Variants in ATP11A observed in about 807,000 individuals in gnomAD.
The protein encoded by ATP11A is phospholipid-transporting ATPase IH.
In ATP11A, 81 loss-of-function variants were observed where a neutral mutation model predicts 154.4. The observed-to-expected ratio is 0.52, with a 90% confidence interval of 0.44 to 0.63. ATP11A has a LOEUF of 0.63. ATP11A is among the 30% of genes least tolerant of loss of function. The probability of loss-of-function intolerance (pLI) is 0.00; values close to 1 mark genes in which losing one functional copy is unlikely to be tolerated. For synonymous variants in ATP11A, 623 were observed against 585.9 expected, an observed-to-expected ratio of 1.06 and a Z score of -0.91; for missense variants, 1,316 against 1,474.3, an observed-to-expected ratio of 0.89 and a Z score of 1.76.
intron 29 of ATP11A, among the ~76,000 whole-genome samples, chr13:112,879,075 T>C (rs2140444794): frequency 6.6e-6 from 1 of 152,380 alleles, no homozygotes; most frequent in African/African-American, 2.4e-5. Context: ...TGCAGGGGCC[T>C]GCACGCCGTC....
chr13:112,810,783 A>G, intron 5 of ATP11A, 57 bp downstream of exon 5: 2 of 1,525,772 alleles, frequency 1.3e-6, no homozygotes, highest in Non-Finnish European at 1.8e-6. Flanking sequence ...TTAAAAAATA[A>G]GTTTTACCCA....
intron 8 of ATP11A, among the ~76,000 whole-genome samples, chr13:112,821,378 A>G (rs974842455): frequency 6.6e-6 from 1 of 152,194 alleles, no homozygotes; most frequent in Non-Finnish European, 1.5e-5. Flanking sequence ...CAGTGGCACT[A>G]TCTCAGCTCA....
chr13:112,826,452 T>C (rs113042806), intron 11 of ATP11A, among the ~76,000 whole-genome samples: 4 of 152,168 alleles, frequency 2.6e-5, no homozygotes, highest in African/African-American at 9.7e-5. Context: ...CGTGATTTAA[T>C]CTCCACTTGC....
chr13:112,836,988 C>T (rs371850055), intron 16 of ATP11A, among the ~76,000 whole-genome samples: 10 of 152,226 alleles, frequency 6.6e-5, no homozygotes, highest in African/African-American at 2.2e-4. Context: ...GGTGGACGAC[C>T]TCGTCTCCCC....
intron 15 of ATP11A, among the ~76,000 whole-genome samples, chr13:112,835,441 C>T (rs1042560497): frequency 2.0e-5 from 3 of 152,212 alleles, no homozygotes; most frequent in African/African-American, 4.8e-5. Context: ...CTGGGCCCTC[C>T]GCTGGCACCA....
Position 112,784,766 on chromosome 13 carries a change from G to A in ATP11A, c.40-369G>A, listed in dbSNP as rs565674520. 1.8e-4 allele frequency among the ~76,000 whole-genome samples: 28 copies of A among 152,252 alleles called. No homozygotes were observed. The East Asian group carries it at 4.6e-3, about 25-fold the overall frequency. ...TCTCCATCTCCTGACCTCGTGATCC[G>A]CCCATCTCGGCCTCCCAAAGTGCTG... On this transcript the variant is annotated intron_variant, in intron 1 of 29. Coordinates refer to ENST00000375645, the MANE Select transcript of ATP11A (RefSeq NM_015205.3).
At chr13:112,723,394 C>T (rs1394102451) in intron 1 of ATP11A, among the ~76,000 whole-genome samples, 1 of 136,884 alleles carries the variant, frequency 7.3e-6, no homozygotes, top group Non-Finnish European at 1.5e-5. Flanking sequence ...GCTTCAGCCT[C>T]TTGAGTAGCT....
chr13:112,812,824 G>C (rs1269310463), intron 5 of ATP11A, among the ~76,000 whole-genome samples: 1 of 152,254 alleles, frequency 6.6e-6, no homozygotes, highest in African/African-American at 2.4e-5. Context: ...TCAGAGAGCA[G>C]ATGGCCCTGG....
At chr13:112,790,917 A>AT (rs1182819905) in intron 2 of ATP11A, among the ~76,000 whole-genome samples, 2 of 152,244 alleles carry the variant, frequency 1.3e-5, no homozygotes, top group African/African-American at 4.8e-5. Context: ...TAGAAACAGG[A>AT]TATGTAAATG....
intron 7 of ATP11A, among the ~76,000 whole-genome samples, chr13:112,819,646 GAA>G (rs373450256): frequency 2.5e-4 from 38 of 150,938 alleles, no homozygotes; most frequent in South Asian, 1.3e-3. Flanking sequence ...ATATTTGTGG[GAA>G]AAAAAAAGAA....
At chr13:112,745,823 A>C (rs1221529733) in intron 1 of ATP11A, 2 of 152,228 alleles carry the variant, frequency 1.3e-5, no homozygotes, top group East Asian at 3.8e-4. Flanking sequence ...TTAAGTGTAC[A>C]GTTCAGCAGT....
At position 112,857,849 on chromosome 13, in the gene ATP11A, A is replaced by T; in HGVS notation, c.2450A>T (p.His817Leu). Residue 817 changes from histidine (H) to leucine (L), a missense_variant, in exon 21 of 30, where the codon CAC becomes CTC. This residue lies in a region of ATP11A where 876 missense variants were observed against 1,006.8 expected (regional missense o/e 0.87). Coordinates refer to ENST00000375645, the MANE Select transcript of ATP11A (RefSeq NM_015205.3). ...AAATTAATCAAATTTTCAAAAGAGC[A>T]CCCAATCACGTTAGCAATTGGCGAT... is the stretch of plus-strand genomic sequence containing the variant. ...IVKLIKFSKE[H>L]PITLAIGDGA... The T allele has an allele frequency of 6.2e-7, 1 of 1,614,200 alleles. No homozygotes were observed. Among genetic ancestry groups the T allele is most frequent in the South Asian group, 1.1e-5 (1 of 91,088 alleles).
chr13:112,791,619 G>A (rs964168275), intron 2 of ATP11A, among the ~76,000 whole-genome samples: 1 of 152,214 alleles, frequency 6.6e-6, no homozygotes, highest in Non-Finnish European at 1.5e-5. Context: ...CCTCTGCTGT[G>A]TCATTCAAGT....
chr13:112,707,024 T>C (rs1328975352), intron 1 of ATP11A, among the ~76,000 whole-genome samples: 1 of 152,154 alleles, frequency 6.6e-6, no homozygotes, highest in African/African-American at 2.4e-5. Flanking sequence ...TAAGAATGGG[T>C]TGTAAAGCAG....
intron 18 of ATP11A, among the ~76,000 whole-genome samples, chr13:112,852,898 G>C (rs775013775): frequency 1.3e-5 from 2 of 152,072 alleles, no homozygotes; most frequent in East Asian, 3.9e-4. Flanking sequence ...CTTTTGAATC[G>C]AATTGTAGGG....
At chr13:112,780,298 C>T (rs1486502395) in intron 1 of ATP11A, among the ~76,000 whole-genome samples, 1 of 151,970 alleles carries the variant, frequency 6.6e-6, no homozygotes, top group East Asian at 1.9e-4. Context: ...CAGAGGCGGT[C>T]GGCAGCCACC....
At chr13:112,803,083 T>C (rs1381137596) in intron 2 of ATP11A, among the ~76,000 whole-genome samples, 1 of 152,226 alleles carries the variant, frequency 6.6e-6, no homozygotes, top group Non-Finnish European at 1.5e-5. Flanking sequence ...GAGCCACTAC[T>C]CTGTTTTTAC....
intron 1 of ATP11A, among the ~76,000 whole-genome samples, chr13:112,743,499 AGCGTTGACGGCATAGGCAG>A (rs1891769803): frequency 6.6e-6 from 1 of 151,602 alleles, no homozygotes; most frequent in Non-Finnish European, 1.5e-5. Flanking sequence ...GGTTCCTGCT[AGCGTTGACGGCATAGGCAG>A]GTGTTGTAGG....
At chr13:112,862,764 G>A (rs1318987194) in intron 25 of ATP11A, among the ~76,000 whole-genome samples, 189 bp downstream of exon 25, 3 of 147,184 alleles carry the variant, frequency 2.0e-5, no homozygotes, top group Non-Finnish European at 3.0e-5. Flanking sequence ...CACATGTGCC[G>A]TAATTCAGTG....
Sources: gnomAD v4.1 joint callset for allele counts (sites outside exome capture counted in the v4.1 genomes callset) on GRCh38, gnomAD v4.1.1 for gene constraint, gnomAD v4.1.1 regional missense constraint, MANE v1.5 for transcripts, NCBI Gene and HGNC (gene_info 2026-07-23, HGNC 2026-07-21) for gene names.